Variants in ASCC3 observed in about 807,000 individuals in gnomAD.
ASCC3 encodes activating signal cointegrator 1 complex subunit 3.
A neutral mutation model predicts 256.3 loss-of-function variants in ASCC3; 158 were observed. The ratio of observed to expected loss-of-function variants is 0.62; its 90% confidence interval spans 0.54 to 0.70. The LOEUF is 0.70. ASCC3 is among the 30% of genes least tolerant of loss of function. The pLI is 0.00. For missense variants in ASCC3, 2,259 were observed against 2,626.0 expected (o/e 0.86, Z 3.05); for synonymous variants, 948 against 883.4 (o/e 1.07, Z -1.30).
chr6:100,554,669 C>T (rs1769478757), intron 36 of ASCC3, among the ~76,000 whole-genome samples: 1 of 152,058 alleles, frequency 6.6e-6, no homozygotes, highest in South Asian at 2.1e-4. Flanking sequence ...GCCACTGAAG[C>T]TTTAGAAAAA....
At chr6:100,625,083 G>T in intron 30 of ASCC3, 109 bp downstream of exon 30, 1 of 1,262,410 alleles carries the variant, frequency 7.9e-7, no homozygotes, top group Non-Finnish European at 1.1e-6. Flanking sequence ...TAAGGTGGCG[G>T]TATTATGAAT....
intron 24 of ASCC3, among the ~76,000 whole-genome samples, 194 bp downstream of exon 24, chr6:100,642,387 A>G (rs1159821507): frequency 2.0e-5 from 3 of 152,192 alleles, no homozygotes; most frequent in Non-Finnish European, 4.4e-5. Flanking sequence ...ACTGGAATAA[A>G]CGCAAGGGAG....
At chr6:100,513,984 C>T (rs1773901109) in intron 39 of ASCC3, among the ~76,000 whole-genome samples, 1 of 149,324 alleles carries the variant, frequency 6.7e-6, no homozygotes, top group South Asian at 2.1e-4. Flanking sequence ...TTTGGTTTTT[C>T]TTTTATTCCT....
chr6:100,594,207 T>C (rs1018649275), intron 34 of ASCC3, among the ~76,000 whole-genome samples: 6 of 152,092 alleles, frequency 3.9e-5, no homozygotes, highest in Admixed American at 6.6e-5. Flanking sequence ...ATTATAAAAA[T>C]GGTCTTTCTT....
intron 10 of ASCC3, among the ~76,000 whole-genome samples, chr6:100,760,978 C>G (rs1199157445): frequency 1.3e-5 from 2 of 152,138 alleles, no homozygotes; most frequent in African/African-American, 2.4e-5. Context: ...ATTCAAGAAG[C>G]TGAGCAAACA....
chr6:100,667,103 A>C (rs1431313017), intron 14 of ASCC3, among the ~76,000 whole-genome samples: 1 of 152,238 alleles, frequency 6.6e-6, no homozygotes, highest in Non-Finnish European at 1.5e-5. Context: ...TGACAAAATT[A>C]TGTCTTATTT....
At chr6:100,730,195 G>A (rs548427839) in intron 10 of ASCC3, among the ~76,000 whole-genome samples, 1 of 152,124 alleles carries the variant, frequency 6.6e-6, no homozygotes, top group Admixed American at 6.6e-5. Context: ...CTTACAGGGG[G>A]CTGAAGTGGG....
chr6:100,604,854 G>A (rs754432300), intron 33 of ASCC3, among the ~76,000 whole-genome samples: 1 of 151,998 alleles, frequency 6.6e-6, no homozygotes, highest in African/African-American at 2.4e-5. Context: ...GTTAGAATAT[G>A]GTAAAGGAGA....
intron 8 of ASCC3, among the ~76,000 whole-genome samples, chr6:100,782,718 T>TA (rs5878646): frequency 0.94 from 142,971 of 152,016 alleles, 67,552 homozygotes; most frequent in South Asian, 0.99. Flanking sequence ...TATGCCTCCA[T>TA]AAACAGAATA....
chr6:100,769,132 C>G (rs1355705830), intron 8 of ASCC3, among the ~76,000 whole-genome samples: 1 of 151,962 alleles, frequency 6.6e-6, no homozygotes, highest in Non-Finnish European at 1.5e-5. Context: ...AAAGAAGATA[C>G]CACATGATCT....
intron 12 of ASCC3, among the ~76,000 whole-genome samples, chr6:100,716,193 C>A (rs1281827774): frequency 1.3e-5 from 2 of 151,766 alleles, no homozygotes; most frequent in African/African-American, 4.8e-5. Context: ...CGAAGATTTT[C>A]ATGTAAGTTA....
intron 30 of ASCC3, among the ~76,000 whole-genome samples, chr6:100,616,130 T>C (rs765346761): frequency 2.0e-5 from 3 of 152,196 alleles, no homozygotes; most frequent in African/African-American, 4.8e-5. Context: ...ATATGTTGAA[T>C]GAACAGGCAA....
chr6:100,514,732 G>C (rs1363256238), intron 39 of ASCC3, among the ~76,000 whole-genome samples: 2 of 152,034 alleles, frequency 1.3e-5, no homozygotes, highest in Non-Finnish European at 2.9e-5. Context: ...AATCAGGCAA[G>C]AGCACTACCA....
chr6:100,677,108 G>A (rs1046449797), intron 14 of ASCC3, among the ~76,000 whole-genome samples: 10 of 152,102 alleles, frequency 6.6e-5, no homozygotes, highest in African/African-American at 2.2e-4. Context: ...CCTTGAAATT[G>A]CTAGAATGTT....
intron 36 of ASCC3, among the ~76,000 whole-genome samples, chr6:100,588,881 G>A (rs1185252352): frequency 6.6e-6 from 1 of 152,008 alleles, no homozygotes; most frequent in Non-Finnish European, 1.5e-5. Flanking sequence ...AGACAGAATG[G>A]TCCAATTGTT....
At chr6:100,777,084 G>A (rs900783743) in intron 8 of ASCC3, among the ~76,000 whole-genome samples, 4 of 151,890 alleles carry the variant, frequency 2.6e-5, no homozygotes, top group African/African-American at 4.8e-5. Flanking sequence ...CATAATCTAC[G>A]TAAGTCACGA....
At chr6:100,523,836 A>G (rs920950288) in intron 37 of ASCC3, among the ~76,000 whole-genome samples, 1 of 152,176 alleles carries the variant, frequency 6.6e-6, no homozygotes, top group African/African-American at 2.4e-5. Context: ...TTGACAACGT[A>G]TCTTCTACAT....
At chr6:100,834,439 T>C (rs1771778920) in intron 4 of ASCC3, among the ~76,000 whole-genome samples, 1 of 152,194 alleles carries the variant, frequency 6.6e-6, no homozygotes, top group African/African-American at 2.4e-5. Flanking sequence ...CCCAACCTCT[T>C]CAGTATTTAA....
intron 36 of ASCC3, among the ~76,000 whole-genome samples, chr6:100,548,110 C>G (rs1769086974): frequency 6.6e-6 from 1 of 150,654 alleles, no homozygotes; most frequent in Non-Finnish European, 1.5e-5. Context: ...GCAAATGAAT[C>G]TATAGGAACA....
Sources: gnomAD v4.1 joint callset for allele counts (sites outside exome capture counted in the v4.1 genomes callset) on GRCh38, gnomAD v4.1.1 for gene constraint, MANE v1.5 for transcripts, NCBI Gene and HGNC (gene_info 2026-07-23, HGNC 2026-07-21) for gene names.